The following JAK2 variants were observed in gnomAD, a reference collection of about 807,000 sequenced individuals.
JAK2 encodes tyrosine-protein kinase JAK2.
In JAK2, 86 loss-of-function variants were observed where a neutral mutation model predicts 139.3. The ratio of observed to expected loss-of-function variants is 0.62; its 90% CI spans 0.52 to 0.74. The LOEUF is 0.74. JAK2 is among the 30% of genes least tolerant of loss of function. The pLI, the probability that JAK2 is intolerant of heterozygous loss-of-function variation, is 0.00. For synonymous variants in JAK2, 490 were observed against 437.7 expected, an observed-to-expected ratio of 1.12 and a Z score of -1.49; for missense variants, 1,421 against 1,360.3, an observed-to-expected ratio of 1.04 and a Z score of -0.70.
intron 2 of JAK2, among the ~76,000 whole-genome samples, chr9:4,995,990 A>G (rs1282992839): frequency 1.3e-5 from 2 of 152,138 alleles, no homozygotes; most frequent in African/African-American, 4.8e-5. Context: ...ATTTGTATCA[A>G]ATTTGCTACT....
chr9:5,061,760 C>T (rs947227820), intron 8 of JAK2, among the ~76,000 whole-genome samples: 8 of 152,164 alleles, frequency 5.3e-5, no homozygotes, highest in Admixed American at 5.2e-4. Flanking sequence ...CATAACTTGC[C>T]TTTTTAGTGC....
intron 4 of JAK2, among the ~76,000 whole-genome samples, chr9:5,031,103 T>C (rs897111882): frequency 2.0e-5 from 3 of 152,098 alleles, no homozygotes; most frequent in Admixed American, 6.6e-5. Context: ...GGACATAACA[T>C]TGGAATGGGG....
chr9:5,051,868 G>A (rs1396847373), intron 6 of JAK2, among the ~76,000 whole-genome samples: 1 of 151,590 alleles, frequency 6.6e-6, no homozygotes, highest in Non-Finnish European at 1.5e-5. Context: ...AAATATTCTT[G>A]TTTTACTTTC....
rs148994958 is a variant in JAK2, at chr9:5,049,402, T to A, written c.469-1284T>A. Among the ~76,000 whole-genome samples, 701 of 152,328 alleles carry A rather than the reference T, an allele frequency of 4.6e-3. 6 individuals are homozygous for A. The highest frequency in any genetic ancestry group is 0.016 in the African/African-American group (665 of 41,584). On this transcript the variant is annotated intron_variant, in intron 5 of 24. Transcript: ENST00000381652. The stretch of plus-strand genomic sequence containing the variant: ...AAATTAGTTTATGCATCTGAACATA[T>A]CTGGTGCTTTTGTGTGTGTGTCATT...
chr9:5,007,318 T>A (rs1210425548), intron 2 of JAK2, among the ~76,000 whole-genome samples: 1 of 152,202 alleles, frequency 6.6e-6, no homozygotes, highest in African/African-American at 2.4e-5. Flanking sequence ...TTTTTAAAGT[T>A]ATTCTTTGTA....
chr9:5,120,659 T>C (rs1446178565), intron 22 of JAK2, among the ~76,000 whole-genome samples: 1 of 152,180 alleles, frequency 6.6e-6, no homozygotes, highest in Admixed American at 6.6e-5. Context: ...TACATTATTC[T>C]TCACCTTGTG....
intron 2 of JAK2, among the ~76,000 whole-genome samples, chr9:5,015,315 C>G (rs983123046): frequency 6.6e-6 from 1 of 152,114 alleles, no homozygotes; most frequent in Non-Finnish European, 1.5e-5. Flanking sequence ...AGAACGTGGT[C>G]TCTAGAGGAT....
intron 23 of JAK2, chr9:5,125,875 A>G (rs1823957066): frequency 6.6e-6 from 1 of 151,894 alleles, no homozygotes; most frequent in African/African-American, 2.4e-5. Flanking sequence ...AAATAAGTAA[A>G]TGATGTTTAA....
At chr9:5,111,894 C>T (rs1447109407) in intron 22 of JAK2, 4 of 356,740 alleles carry the variant, frequency 1.1e-5, no homozygotes, top group Non-Finnish European at 2.2e-5. Flanking sequence ...GCTCTGGGGA[C>T]GCCCTCGGGA....
chr9:5,040,292 C>CAA (rs58348792), intron 4 of JAK2, among the ~76,000 whole-genome samples: 19 of 138,036 alleles, frequency 1.4e-4, no homozygotes, highest in African/African-American at 4.9e-4. Flanking sequence ...ACACTATATA[C>CAA]AAAAAAAAAA....
intron 22 of JAK2, among the ~76,000 whole-genome samples, chr9:5,115,019 C>T (rs1210588942): frequency 6.6e-6 from 1 of 152,118 alleles, no homozygotes; most frequent in Admixed American, 6.5e-5. Flanking sequence ...GCAAGGACTT[C>T]ATGACTAAAA....
intron 22 of JAK2, among the ~76,000 whole-genome samples, chr9:5,118,172 T>C (rs1379742695): frequency 6.6e-6 from 1 of 152,108 alleles, no homozygotes; most frequent in African/African-American, 2.4e-5. Context: ...AACAAACAAA[T>C]AAATAGTGCA....
rs1824135987 is a variant in JAK2, at chr9:5,128,282, ATTATAC to A, written c.*1495_*1500del. The stretch of plus-strand genomic sequence containing the variant: ...GGAAGAAATGTTTTTTACATTCATT[ATTATAC>A]TTAAAGCATTTTTAAAGCATTTTAA... On this transcript the variant is annotated 3_prime_UTR_variant, in exon 25 of 25. Transcript: ENST00000381652. 3 of 227,754 alleles carry A rather than the reference ATTATAC, an allele frequency of 1.3e-5. No homozygotes were observed. Among genetic ancestry groups the A allele is most frequent in the Admixed American group, 5.7e-5 (1 of 17,606 alleles). The allele number at this position is 227,754 out of a possible 1,614,324, so 14.1% of individuals were successfully genotyped here. A position where few individuals can be genotyped will look rare whatever the true frequency, so the allele number is the denominator to read the frequency against.
At chr9:4,994,454 G>T (rs960640339) in intron 2 of JAK2, among the ~76,000 whole-genome samples, 5 of 152,196 alleles carry the variant, frequency 3.3e-5, no homozygotes, top group African/African-American at 1.2e-4. Flanking sequence ...GCATCTGTGA[G>T]TTCCCAGGTG....
chr9:5,089,691 G>C lies in JAK2; in HGVS notation c.2589G>C (p.Val863=). The part of the protein sequence containing the change: ...QQLGKGNFGS[V]EMCRYDPLQD... ...TCATTTAGGGTAATTTTGGGAGTGT[G>C]GAGATGTGCCGGTATGACCCTCTAC... is the stretch of plus-strand genomic sequence containing the variant. Residue 863 remains valine (V), a synonymous_variant, in exon 20 of 25, where the codon GTG becomes GTC. Transcript: ENST00000381652. 7.1e-7 allele frequency: 1 copy of C among 1,413,510 alleles called. No homozygotes were observed. Among genetic ancestry groups the C allele is most frequent in the Non-Finnish European group, 9.3e-7 (1 of 1,075,934 alleles). 87.6% of individuals were successfully genotyped at this position (1,413,510 alleles called of 1,614,324 possible).
chr9:5,042,871 C>T (rs1223541913), intron 4 of JAK2, among the ~76,000 whole-genome samples: 8 of 152,352 alleles, frequency 5.3e-5, no homozygotes, highest in Middle Eastern at 3.4e-3. Context: ...GCCACAGGCA[C>T]GGCCACCGCA....
chr9:5,113,734 CT>C, intron 22 of JAK2: 1 of 168,020 alleles, frequency 6.0e-6, no homozygotes, highest in Non-Finnish European at 1.4e-5. Flanking sequence ...CCCTCACGCC[CT>C]CTGGCCATTA....
At chr9:5,113,272 G>A (rs1015599777) in intron 22 of JAK2, among the ~76,000 whole-genome samples, 1 of 113,044 alleles carries the variant, frequency 8.8e-6, no homozygotes, top group Admixed American at 1.1e-4. Flanking sequence ...TGTCAGAAAA[G>A]AAAAAAATGC....
At chr9:5,071,164 T>C (rs544388908) in intron 12 of JAK2, among the ~76,000 whole-genome samples, 1 of 152,290 alleles carries the variant, frequency 6.6e-6, no homozygotes, top group East Asian at 1.9e-4. Flanking sequence ...ACTCTCCTAA[T>C]ATTGTGTGGT....
Sources: gnomAD v4.1 joint callset for allele counts (sites outside exome capture counted in the v4.1 genomes callset) on GRCh38, gnomAD v4.1.1 for gene constraint, MANE v1.5 for transcripts, NCBI Gene and HGNC (gene_info 2026-07-23, HGNC 2026-07-21) for gene names.